The following TAF2 variants were observed in gnomAD, a reference collection of about 807,000 sequenced individuals.
TAF2 encodes the protein transcription initiation factor TFIID subunit 2.
A neutral mutation model predicts 138.5 loss-of-function variants in TAF2; 61 were observed. The observed-to-expected ratio is 0.44, with a 90% CI of 0.36 to 0.54. TAF2 has a LOEUF of 0.54. Ranked by LOEUF, TAF2 falls within the 20% of genes least tolerant of loss-of-function variation. The pLI, the probability that TAF2 is intolerant of heterozygous loss-of-function variation, is 0.00. For missense variants in TAF2, 1,090 were observed against 1,427.9 expected (o/e 0.76, Z 3.81); for synonymous variants, 475 against 469.9 (o/e 1.01, Z -0.14).
rs562735063 is a variant in TAF2, at chr8:119,807,849, G to A, written c.300-1448C>T. ...AGGCACGAGAATCACTTGAGCCTGG[G>A]AGGCGGAAGTTGCAGTGAGCTGAGA... On this transcript the variant is annotated intron_variant, in intron 3 of 25. Transcript: ENST00000378164. Among the ~76,000 whole-genome samples, 10 of 152,314 alleles carry A rather than the reference G, an allele frequency of 6.6e-5. No individual in the cohort carries two copies. In the South Asian group the frequency reaches 2.1e-3, roughly 32 times the overall value.
At chr8:119,744,925 G>A (rs543851162) in intron 23 of TAF2, 12 of 456,138 alleles carry the variant, frequency 2.6e-5, no homozygotes, top group African/African-American at 1.6e-4. Flanking sequence ...TTCTTCTCCA[G>A]TATTTGACCA....
At chr8:119,813,948 T>C (rs563828068) in intron 3 of TAF2, among the ~76,000 whole-genome samples, 2 of 152,126 alleles carry the variant, frequency 1.3e-5, no homozygotes, top group South Asian at 4.2e-4. Flanking sequence ...AGACCATGCA[T>C]CCAGTAAAAA....
At chr8:119,807,096 T>G (rs1050979233) in intron 3 of TAF2, among the ~76,000 whole-genome samples, 2 of 152,182 alleles carry the variant, frequency 1.3e-5, no homozygotes, top group African/African-American at 2.4e-5. Flanking sequence ...AGCTTTATAA[T>G]TTGACAAAAA....
chr8:119,792,345 G>C (rs1394725123), intron 10 of TAF2, among the ~76,000 whole-genome samples: 1 of 151,808 alleles, frequency 6.6e-6, no homozygotes, highest in Non-Finnish European at 1.5e-5. Flanking sequence ...TAGAGATGTG[G>C]TTTTGCCATG....
intron 19 of TAF2, 26 bp downstream of exon 19, chr8:119,762,389 C>CT (rs764056324): frequency 1.9e-6 from 3 of 1,606,246 alleles, no homozygotes; most frequent in Non-Finnish European, 2.6e-6. Context: ...GAACATATAA[C>CT]TTTAAAGTAA....
At chr8:119,795,402 T>G (rs917346900) in intron 9 of TAF2, 130 bp downstream of exon 9, 38 of 823,466 alleles carry the variant, frequency 4.6e-5, no homozygotes, top group Middle Eastern at 2.6e-4. Flanking sequence ...TTAGTCTTTC[T>G]CAGTAAATCA....
intron 5 of TAF2, 59 bp from the exon 6 acceptor site, chr8:119,802,084 C>G (rs1053564751): frequency 1.1e-5 from 15 of 1,357,436 alleles, no homozygotes; most frequent in Non-Finnish European, 1.5e-5. Flanking sequence ...CATTGTTTTC[C>G]CCACATGCAA....
At chr8:119,748,736 G>A (rs1394925021) in intron 22 of TAF2, among the ~76,000 whole-genome samples, 39 of 152,088 alleles carry the variant, frequency 2.6e-4, no homozygotes, top group Admixed American at 2.5e-3. Flanking sequence ...CCACAAAGAG[G>A]AGGTTATCAG....
chr8:119,753,709 T>C (rs1358696348), intron 22 of TAF2, among the ~76,000 whole-genome samples: 1 of 152,206 alleles, frequency 6.6e-6, no homozygotes, highest in Non-Finnish European at 1.5e-5. Context: ...AAATGTTTTA[T>C]AAAAATTGTC....
intron 21 of TAF2, among the ~76,000 whole-genome samples, chr8:119,756,741 T>G (rs761418291): frequency 1.3e-5 from 2 of 152,142 alleles, no homozygotes; most frequent in Non-Finnish European, 2.9e-5. Flanking sequence ...TTGGGAGTTT[T>G]TATCTCATAT....
chr8:119,800,374 T>C (rs1305616918), intron 6 of TAF2, among the ~76,000 whole-genome samples: 1 of 152,198 alleles, frequency 6.6e-6, no homozygotes, highest in Non-Finnish European at 1.5e-5. Flanking sequence ...CTAGCCAGTT[T>C]TCCCAGCACC....
intron 16 of TAF2, among the ~76,000 whole-genome samples, chr8:119,781,733 T>A (rs1822675937): frequency 6.6e-6 from 1 of 151,778 alleles, no homozygotes; most frequent in African/African-American, 2.4e-5. Flanking sequence ...TCTCGTTCTA[T>A]CGCTCAGGCT....
At chr8:119,745,513 A>C (rs1044575135) in intron 23 of TAF2, among the ~76,000 whole-genome samples, 1 of 152,188 alleles carries the variant, frequency 6.6e-6, no homozygotes, top group Non-Finnish European at 1.5e-5. Flanking sequence ...TGAATAAGCA[A>C]ATTTAAAATG....
At chr8:119,807,382 A>C (rs1436822531) in intron 3 of TAF2, among the ~76,000 whole-genome samples, 1 of 152,232 alleles carries the variant, frequency 6.6e-6, no homozygotes, top group Non-Finnish European at 1.5e-5. Context: ...ACTCCATAAA[A>C]GCAACTTATA....
chr8:119,760,030 C>G (rs1483519824), intron 20 of TAF2, among the ~76,000 whole-genome samples: 1 of 109,360 alleles, frequency 9.1e-6, no homozygotes, highest in Non-Finnish European at 1.7e-5. Flanking sequence ...TTCATTTACG[C>G]CCCCCCAGAG....
intron 14 of TAF2, among the ~76,000 whole-genome samples, chr8:119,788,080 G>A (rs1199092765): frequency 6.6e-6 from 1 of 152,128 alleles, no homozygotes; most frequent in East Asian, 1.9e-4. Context: ...ACACACCGGG[G>A]CCTGTCAGGA....
At chr8:119,804,636 A>G (rs1392675628) in intron 4 of TAF2, among the ~76,000 whole-genome samples, 1 of 152,196 alleles carries the variant, frequency 6.6e-6, no homozygotes, top group African/African-American at 2.4e-5. Context: ...GCCTTCTGCC[A>G]AGATTGTGAG....
chr8:119,754,019 C>T (rs1363404070), intron 22 of TAF2, among the ~76,000 whole-genome samples: 1 of 151,982 alleles, frequency 6.6e-6, no homozygotes, highest in Non-Finnish European at 1.5e-5. Flanking sequence ...TAAAAAGCAG[C>T]AATCATTCTT....
At chr8:119,762,385 A>G (rs769526445) in intron 19 of TAF2, 30 bp downstream of exon 19, 15 of 1,601,468 alleles carry the variant, frequency 9.4e-6, no homozygotes, top group African/African-American at 2.7e-5. Context: ...ATAAGAACAT[A>G]TAACTTTAAA....
Sources: gnomAD v4.1 joint callset for allele counts (sites outside exome capture counted in the v4.1 genomes callset) on GRCh38, gnomAD v4.1.1 for gene constraint, MANE v1.5 for transcripts, NCBI Gene and HGNC (gene_info 2026-07-23, HGNC 2026-07-21) for gene names.